RPAP3: variants seen among roughly 807,000 people sequenced by gnomAD.
The protein encoded by RPAP3 is RNA polymerase II-associated protein 3.
Under a neutral mutation model 88.8 loss-of-function variants are expected in RPAP3, and 58 were observed. The ratio of observed to expected loss-of-function variants is 0.65; its 90% CI spans 0.53 to 0.81. The LOEUF (loss-of-function observed/expected upper bound fraction) is 0.81. Ranked by LOEUF, RPAP3 falls within the 40% of genes least tolerant of loss-of-function variation. The probability of loss-of-function intolerance (pLI) is 0.00; values close to 1 mark genes in which losing one functional copy is unlikely to be tolerated. For missense variants in RPAP3, 751 were observed against 764.3 expected, an observed-to-expected ratio of 0.98 and a Z score of 0.20; for synonymous variants, 255 against 259.9, an observed-to-expected ratio of 0.98 and a Z score of 0.18.
chr12:47,668,512 A>C (rs1192522579), intron 14 of RPAP3, among the ~76,000 whole-genome samples: 1 of 152,214 alleles, frequency 6.6e-6, no homozygotes, highest in Non-Finnish European at 1.5e-5. Context: ...CTTGAAAAGG[A>C]CCATGCTAAT....
chr12:47,701,566 CT>C lies in RPAP3; in HGVS notation c.191del (p.Lys64ArgfsTer22). 2 of 1,591,004 alleles carry C rather than the reference CT, an allele frequency of 1.3e-6. No individual in the cohort carries two copies. The highest frequency in any genetic ancestry group is 1.8e-5 in the Admixed American group (1 of 55,742). ...PPIRNGNFRK[K>X]KKGKAKESSK... is the part of the protein sequence containing the mutation. ...AAGACTCTTTAGCTTTGCCTTTCTT[CT>C]TTTTCCTAAAATTCCCATTTCGAAT... On this transcript the variant is annotated frameshift_variant, in exon 3 of 17. Transcript: ENST00000005386. LOFTEE classifies it high-confidence loss of function.
At chr12:47,673,514 A>C (rs911810750) in intron 12 of RPAP3, among the ~76,000 whole-genome samples, 1 of 151,974 alleles carries the variant, frequency 6.6e-6, no homozygotes, top group Non-Finnish European at 1.5e-5. Flanking sequence ...TTAAACTAAG[A>C]AATCTATTTG....
At chr12:47,670,511 G>GCA (rs1938974546) in intron 12 of RPAP3, among the ~76,000 whole-genome samples, 166 bp from the exon 13 acceptor site, 1 of 152,136 alleles carries the variant, frequency 6.6e-6, no homozygotes, top group African/African-American at 2.4e-5. Flanking sequence ...AAAATAAAAA[G>GCA]CTATACAAAG....
intron 4 of RPAP3, 32 bp downstream of exon 4, chr12:47,697,565 A>G: frequency 3.2e-6 from 5 of 1,573,338 alleles, no homozygotes; most frequent in South Asian, 1.2e-5. Flanking sequence ...TCCTGCTTAC[A>G]TGAAAAAAAA....
intron 1 of RPAP3, among the ~76,000 whole-genome samples, chr12:47,704,526 G>A (rs1179730829): frequency 2.0e-5 from 3 of 150,352 alleles, no homozygotes; most frequent in Non-Finnish European, 1.5e-5. Context: ...AGGCCACCAC[G>A]CCCGGCTAAT....
At chr12:47,690,429 G>A (rs1939406226) in intron 6 of RPAP3, 89 bp downstream of exon 6, 3 of 1,058,878 alleles carry the variant, frequency 2.8e-6, no homozygotes, top group Non-Finnish European at 3.9e-6. Flanking sequence ...GCTCTCTGAA[G>A]GTAGTAACTG....
rs1257235296 is a variant in RPAP3 at position 47,662,174 on chromosome 12, C to T, written c.*1331G>A. 1.3e-5 allele frequency: 2 copies of T among 152,162 alleles called. No homozygotes were observed. Among genetic ancestry groups the T allele is most frequent in the Non-Finnish European group, 2.9e-5 (2 of 68,040 alleles). The allele number at this position is 152,162 out of a possible 1,614,324, so 9.4% of individuals were successfully genotyped here. ...TTCCCAAAGGCCCCACCTCCGAAGA[C>T]CATCGCCTTCAGGGTTAGGATTTCA... On this transcript the variant is annotated 3_prime_UTR_variant, in exon 17 of 17. Coordinates refer to ENST00000005386, the MANE Select transcript of RPAP3 (RefSeq NM_024604.3).
chr12:47,686,727 A>G (rs1339330942), intron 9 of RPAP3, 53 bp downstream of exon 9: 6 of 1,349,132 alleles, frequency 4.4e-6, no homozygotes, highest in South Asian at 2.1e-5. Context: ...AAAATTTACC[A>G]ATTTATTGTA....
chr12:47,665,663 CAG>C (rs1408592916), intron 16 of RPAP3, among the ~76,000 whole-genome samples: 1 of 151,500 alleles, frequency 6.6e-6, no homozygotes, highest in African/African-American at 2.4e-5. Context: ...TTATTTGAGA[CAG>C]AGTCTCACTC....
intron 8 of RPAP3, 31 bp downstream of exon 8, chr12:47,687,845 T>C (rs780934474): frequency 9.4e-6 from 15 of 1,601,806 alleles, no homozygotes; most frequent in Admixed American, 8.7e-5. Flanking sequence ...GCAAAACATA[T>C]ACATTGTACG....
chr12:47,661,435 T>C lies in RPAP3; in HGVS notation c.*2070A>G, dbSNP rs181976218. The C allele has an allele frequency of 6.6e-6, 1 of 152,320 alleles. No individual in the cohort carries two copies. Among genetic ancestry groups the C allele is most frequent in the African/African-American group, 2.4e-5 (1 of 41,572 alleles). 9.4% of individuals were successfully genotyped at this position (152,320 alleles called of 1,614,324 possible). On this transcript the variant is annotated 3_prime_UTR_variant, in exon 17 of 17. Coordinates refer to ENST00000005386, the MANE Select transcript of RPAP3 (RefSeq NM_024604.3). ...TCCAAAAACAAAATGTGTGCATTCA[T>C]TCAATCTCACTTATACCCATTCTAC...
At chr12:47,684,839 T>A (rs1939290594) in intron 9 of RPAP3, among the ~76,000 whole-genome samples, 1 of 152,212 alleles carries the variant, frequency 6.6e-6, no homozygotes, top group South Asian at 2.1e-4. Context: ...GATGCAATGA[T>A]CTTCACTCTG....
At chr12:47,683,901 G>C (rs890740249) in intron 9 of RPAP3, among the ~76,000 whole-genome samples, 1 of 152,056 alleles carries the variant, frequency 6.6e-6, no homozygotes. Flanking sequence ...GTCTTAGTCT[G>C]GTTCCAGTTC....
intron 3 of RPAP3, chr12:47,701,263 G>A (rs1939648610): frequency 5.4e-6 from 2 of 368,922 alleles, no homozygotes; most frequent in Non-Finnish European, 9.6e-6. Flanking sequence ...GCCACCATTT[G>A]CTGAAAGAGG....
intron 5 of RPAP3, among the ~76,000 whole-genome samples, chr12:47,693,610 C>T (rs1369688899): frequency 1.3e-5 from 2 of 152,176 alleles, no homozygotes; most frequent in Non-Finnish European, 2.9e-5. Flanking sequence ...AATGGTGAAA[C>T]ATTAGTAGCA....
intron 10 of RPAP3, among the ~76,000 whole-genome samples, chr12:47,680,547 A>T (rs566418375): frequency 6.6e-6 from 1 of 152,288 alleles, no homozygotes; most frequent in South Asian, 2.1e-4. Context: ...ACATACCAGG[A>T]AAGAACAGAG....
intron 9 of RPAP3, among the ~76,000 whole-genome samples, chr12:47,683,503 T>C (rs1212326770): frequency 2.0e-5 from 3 of 152,192 alleles, no homozygotes; most frequent in Non-Finnish European, 4.4e-5. Context: ...TTTAATTGCA[T>C]ATTTAATTGC....
rs199890720 is a variant in RPAP3, at chr12:47,689,189, T to C, written c.674A>G (p.Glu225Gly). 8 of 1,371,250 alleles carry C rather than the reference T, an allele frequency of 5.8e-6. No individual in the cohort carries two copies. Among genetic ancestry groups the C allele is most frequent in the Non-Finnish European group, 8.1e-6 (8 of 984,718 alleles). 84.9% of individuals were successfully genotyped at this position (1,371,250 alleles called of 1,614,324 possible). Residue 225 changes from glutamate (E) to glycine (G), a missense_variant, in exon 7 of 17, where the codon GAA (glutamate) becomes GGA (glycine). Transcript: ENST00000005386. ...ATTTGGTTCTAGTTCTAATACTCTT[T>C]CATAATCTAAGTAAAAGAGAAGATA... Reference protein sequence around the residue: ...QKLEEAKKDYERVLELEPNNF... With the variant: ...QKLEEAKKDYGRVLELEPNNF...
intron 5 of RPAP3, among the ~76,000 whole-genome samples, chr12:47,691,377 T>C (rs1173905732): frequency 6.6e-6 from 1 of 152,206 alleles, no homozygotes; most frequent in Non-Finnish European, 1.5e-5. Context: ...GCTAAAATCT[T>C]GAACCCCTCA....
Sources: gnomAD v4.1 joint callset for allele counts (sites outside exome capture counted in the v4.1 genomes callset) on GRCh38, gnomAD v4.1.1 for gene constraint, MANE v1.5 for transcripts, NCBI Gene and HGNC (gene_info 2026-07-23, HGNC 2026-07-21) for gene names.